The following NFE2L3 variants were observed in gnomAD, a reference collection of about 807,000 sequenced individuals.
NFE2L3 encodes nuclear factor erythroid 2-related factor 3.
Under a neutral mutation model 23.5 loss-of-function variants are expected in NFE2L3, and 18 were observed. The observed-to-expected ratio is 0.77, with a 90% CI of 0.53 to 1.13. The LOEUF (loss-of-function observed/expected upper bound fraction) is 1.13, where lower values mean the gene tolerates loss of function less well. Ranked by LOEUF, NFE2L3 falls within the 50% of genes most tolerant of loss-of-function variation. The pLI, the probability that NFE2L3 is intolerant of heterozygous loss-of-function variation, is 0.00. For missense variants in NFE2L3, 1,152 were observed against 877.2 expected, an observed-to-expected ratio of 1.31 and a Z score of -3.96; for synonymous variants, 424 against 354.5, an observed-to-expected ratio of 1.20 and a Z score of -2.20.
At chr7:26,175,769 ACT>A (rs1179262961) in intron 1 of NFE2L3, among the ~76,000 whole-genome samples, 1 of 141,840 alleles carries the variant, frequency 7.1e-6, no homozygotes, top group Admixed American at 7.2e-5. Flanking sequence ...ACAGAGCAAG[ACT>A]CTGTCTCAAA....
At chr7:26,183,984 C>G in intron 3 of NFE2L3, 200 bp downstream of exon 3, 1 of 525,688 alleles carries the variant, frequency 1.9e-6, no homozygotes, top group Non-Finnish European at 3.4e-6. Context: ...CAAATTTAGA[C>G]TAGTCATGGA....
At chr7:26,165,573 T>C (rs1443969793) in intron 1 of NFE2L3, among the ~76,000 whole-genome samples, 1 of 152,220 alleles carries the variant, frequency 6.6e-6, no homozygotes, top group Non-Finnish European at 1.5e-5. Flanking sequence ...TTTCTAGATA[T>C]ACAATCATGT....
In NFE2L3 at chr7:26,160,836, A is replaced by G. The variant is rs79654118; in HGVS notation, c.570+7768A>G. Among the ~76,000 whole-genome samples the G allele has an allele frequency of 1.3e-4, 20 of 152,358 alleles. No homozygotes were observed. In the East Asian group the frequency reaches 3.7e-3, roughly 28 times the overall value. On this transcript the variant is annotated intron_variant, in intron 1 of 3. Transcript: ENST00000056233. ...CCTAGCTCCTTGACATTTAAAACTG[A>G]CCATCACGCCATCCAGCTCCACCTC...
chr7:26,160,910 T>A (rs1006375570), intron 1 of NFE2L3, among the ~76,000 whole-genome samples: 1 of 152,230 alleles, frequency 6.6e-6, no homozygotes, highest in Non-Finnish European at 1.5e-5. Flanking sequence ...AAAATTAACA[T>A]CTTTCTTGAA....
At chr7:26,181,522 G>A (rs1784509123) in intron 2 of NFE2L3, among the ~76,000 whole-genome samples, 1 of 152,110 alleles carries the variant, frequency 6.6e-6, no homozygotes, top group African/African-American at 2.4e-5. Context: ...AGATCTGAAT[G>A]CACACTACCA....
At chr7:26,184,241 T>C (rs906681039) in intron 3 of NFE2L3, 7 of 379,682 alleles carry the variant, frequency 1.8e-5, no homozygotes, top group Middle Eastern at 1.5e-3. Flanking sequence ...TTGCATCTTA[T>C]TATAAAGTAG....
chr7:26,165,063 A>T (rs1418844068), intron 1 of NFE2L3, among the ~76,000 whole-genome samples: 1 of 152,174 alleles, frequency 6.6e-6, no homozygotes, highest in Admixed American at 6.5e-5. Context: ...CTTGTAGTAT[A>T]GTTTGAAGTC....
At chr7:26,184,385 T>C (rs1035373351) in intron 3 of NFE2L3, 148 bp from the exon 4 acceptor site, 22 of 653,432 alleles carry the variant, frequency 3.4e-5, no homozygotes, top group Non-Finnish European at 5.4e-5. Context: ...GTATTGCCTG[T>C]ATTTAACTAG....
chr7:26,152,382 C>T lies in NFE2L3; in HGVS notation c.-117C>T. The stretch of plus-strand genomic sequence containing the variant: ...CCACGCGCCCCGGTCCATTGTTTCG[C>T]TTATCTGGGTTCCAGGCAGGTGCGG... On this transcript the variant is annotated 5_prime_UTR_variant, in exon 1 of 4. Coordinates refer to ENST00000056233, the MANE Select transcript of NFE2L3 (RefSeq NM_004289.7). The surrounding 1 kb of genome is among the most constrained non-coding windows in gnomAD (Gnocchi z 4.4). 1.4e-6 allele frequency: 1 copy of T among 701,016 alleles called. No homozygotes were observed. Among genetic ancestry groups the T allele is most frequent in the Non-Finnish European group, 1.9e-6 (1 of 525,722 alleles). The allele number at this position is 701,016 out of a possible 1,614,324, so 43.4% of individuals were successfully genotyped here. A position where few individuals can be genotyped will look rare whatever the true frequency, so the allele number is the denominator to read the frequency against.
intron 2 of NFE2L3, among the ~76,000 whole-genome samples, chr7:26,180,695 G>T (rs550922543): frequency 6.6e-6 from 1 of 151,948 alleles, no homozygotes; most frequent in Non-Finnish European, 1.5e-5. Flanking sequence ...AGAAAAGCAA[G>T]AACTGTAACA....
At chr7:26,163,665 ATTTT>A (rs767799596) in intron 1 of NFE2L3, among the ~76,000 whole-genome samples, 1 of 151,954 alleles carries the variant, frequency 6.6e-6, no homozygotes, top group Non-Finnish European at 1.5e-5. Context: ...TTATTTATTT[ATTTT>A]ATTATACTTT....
At chr7:26,162,903 G>T (rs1203790087) in intron 1 of NFE2L3, among the ~76,000 whole-genome samples, 3 of 151,974 alleles carry the variant, frequency 2.0e-5, no homozygotes, top group Non-Finnish European at 4.4e-5. Flanking sequence ...TGTAGTGATG[G>T]GTTTCACCAT....
chr7:26,163,995 T>A (rs1400087888), intron 1 of NFE2L3, among the ~76,000 whole-genome samples: 1 of 152,246 alleles, frequency 6.6e-6, no homozygotes, highest in Non-Finnish European at 1.5e-5. Flanking sequence ...CTCATCCTTT[T>A]TTATGGCTGC....
Position 26,178,053 on chromosome 7 carries a change from T to C in NFE2L3, c.681T>C (p.Asp227=), listed in dbSNP as rs141359390. The stretch of plus-strand genomic sequence containing the variant: ...AGGAGAACTCACTTCAGCAGAATGA[T>C]GATGATGAAAACAAAATAGCAGAGA... The part of the protein sequence containing the change: ...AQKENSLQQN[D]DDENKIAEKP... The change falls in exon 2 of 4, where the codon GAT becomes GAC. Residue 227 remains aspartate (D), a synonymous_variant. Coordinates refer to ENST00000056233, the MANE Select transcript of NFE2L3 (RefSeq NM_004289.7). The C allele has an allele frequency of 5.5e-5, 88 of 1,614,040 alleles. 1 individual carries two copies. The Middle Eastern group carries it at 6.6e-4, about 12-fold the overall frequency.
intron 1 of NFE2L3, among the ~76,000 whole-genome samples, chr7:26,153,565 A>G (rs1468518116): frequency 6.6e-6 from 1 of 152,170 alleles, no homozygotes; most frequent in African/African-American, 2.4e-5. Flanking sequence ...GCTTCCCTGG[A>G]TTAAGGAGCC....
At chr7:26,184,051 G>C in intron 3 of NFE2L3, 1 of 470,144 alleles carries the variant, frequency 2.1e-6, no homozygotes, top group Non-Finnish European at 3.8e-6. Flanking sequence ...TTATCCAAAG[G>C]AAAGGAAATC....
intron 1 of NFE2L3, among the ~76,000 whole-genome samples, chr7:26,158,782 G>C (rs998491988): frequency 6.6e-6 from 1 of 152,206 alleles, no homozygotes; most frequent in Non-Finnish European, 1.5e-5. Flanking sequence ...GGGGTCTTGT[G>C]TGCTGGCCCT....
chr7:26,173,630 C>A (rs1393773279), intron 1 of NFE2L3: 1 of 152,176 alleles, frequency 6.6e-6, no homozygotes, highest in Non-Finnish European at 1.5e-5. Flanking sequence ...TGATCAGTCA[C>A]CTTTTCTTCC....
rs1782501128 is a variant in NFE2L3, at chr7:26,186,912, T to TG, written c.*1130dup. On this transcript the variant is annotated 3_prime_UTR_variant, in exon 4 of 4. Transcript: ENST00000056233. The stretch of plus-strand genomic sequence containing the variant: ...TTGCTGAATTTTTTGAAGACAGCAA[T>TG]GACCTCACCTAGATGACTCAAGTTT... 2.0e-5 allele frequency: 3 copies of TG among 152,246 alleles called. No homozygotes were observed. 9.4% of individuals were successfully genotyped at this position (152,246 alleles called of 1,614,324 possible). A position where few individuals can be genotyped will look rare whatever the true frequency, so the allele number is the denominator to read the frequency against.
Sources: gnomAD v4.1 joint callset for allele counts (sites outside exome capture counted in the v4.1 genomes callset) on GRCh38, gnomAD v4.1.1 for gene constraint, Gnocchi (gnomAD v3.1) non-coding constraint, MANE v1.5 for transcripts, NCBI Gene and HGNC (gene_info 2026-07-23, HGNC 2026-07-21) for gene names.